Variants in ZNF37A observed in about 807,000 individuals in gnomAD.
The protein encoded by ZNF37A is zinc finger protein 37a (KOX 21).
Under a neutral mutation model 12.3 loss-of-function variants are expected in ZNF37A, and 10 were observed. The observed-to-expected ratio is 0.82, with a 90% CI of 0.50 to 1.38. The LOEUF (loss-of-function observed/expected upper bound fraction) is 1.38, where lower values mean the gene tolerates loss of function less well. Ranked by LOEUF, ZNF37A falls within the 40% of genes most tolerant of loss-of-function variation. ZNF37A has a pLI of 0.00. For synonymous variants in ZNF37A, 207 were observed against 223.0 expected (o/e 0.93, Z 0.64); for missense variants, 580 against 651.2 (o/e 0.89, Z 1.19).
chr10:38,119,052 T>A lies in ZNF37A; in HGVS notation c.*215T>A, dbSNP rs945701185. 22 of 1,246,042 alleles carry A rather than the reference T, an allele frequency of 1.8e-5. No homozygotes were observed. The African/African-American group carries it at 3.1e-4, about 18-fold the overall frequency. The allele number at this position is 1,246,042 out of a possible 1,614,324, so 77.2% of individuals were successfully genotyped here. ...AAAACTAAAAGTGGAAAAAACTTATTGGTGAATGAATATAGGAAACATTTT... is the reference window on the plus strand; with the variant it reads ...AAAACTAAAAGTGGAAAAAACTTATAGGTGAATGAATATAGGAAACATTTT... On this transcript the variant is annotated 3_prime_UTR_variant, in exon 8 of 8. Coordinates refer to ENST00000685332, the MANE Select transcript of ZNF37A (RefSeq NM_001324250.3).
intron 5 of ZNF37A, among the ~76,000 whole-genome samples, chr10:38,105,598 A>G (rs558037772): frequency 1.1e-4 from 17 of 152,336 alleles, no homozygotes; most frequent in African/African-American, 3.6e-4. Context: ...ATTAAATTAT[A>G]AGGACACTTA....
chr10:38,127,927 G>A (rs143254673), downstream of ZNF37A, among the ~76,000 whole-genome samples: 1,070 of 152,256 alleles, frequency 7.0e-3, 1 homozygote, highest in Admixed American at 0.011. Context: ...GACAATTTAC[G>A]CTGATTTTAA....
downstream of ZNF37A, among the ~76,000 whole-genome samples, chr10:38,128,208 A>C (rs2069956361): frequency 6.6e-6 from 1 of 152,206 alleles, no homozygotes; most frequent in South Asian, 2.1e-4. Context: ...ACTGAGCAAT[A>C]AAAGTCTAGG....
rs1380895191 is a variant in ZNF37A, at chr10:38,123,810, A to C, written c.*4973A>C. The C allele has an allele frequency of 6.6e-6, 1 of 152,226 alleles. No individual in the cohort carries two copies. The highest frequency in any genetic ancestry group is 1.5e-5 in the Non-Finnish European group (1 of 68,038). 9.4% of individuals were successfully genotyped at this position (152,226 alleles called of 1,614,324 possible). A position where few individuals can be genotyped will look rare whatever the true frequency, so the allele number is the denominator to read the frequency against. On this transcript the variant is annotated 3_prime_UTR_variant, in exon 8 of 8. Transcript: ENST00000685332. ...AAGATATCATCTCACCCCAGTTAAA[A>C]TGTCTTCTCTCCAAAAGACAGATAA...
At chr10:38,112,773 T>G (rs555929157) in intron 5 of ZNF37A, among the ~76,000 whole-genome samples, 4,390 of 65,086 alleles carry the variant, frequency 0.067, 800 homozygotes, top group East Asian at 0.1. Context: ...TTCTTTTCTT[T>G]TCTTTTCTTT....
chr10:38,133,967 G>A (rs1015985769), intron 7 of ZNF37A, among the ~76,000 whole-genome samples: 1 of 152,128 alleles, frequency 6.6e-6, no homozygotes, highest in African/African-American at 2.4e-5. Context: ...CGTATTTCTT[G>A]GAGGCTTTGT....
At chr10:38,112,738 T>TCTTGGTCTTGGTCTTGG in intron 5 of ZNF37A, among the ~76,000 whole-genome samples, 8 of 58,890 alleles carry the variant, frequency 1.4e-4, no homozygotes, top group East Asian at 5.4e-4. Context: ...CCATTTTCTT[T>TCTTGGTCTTGGTCTTGG]TCTTTTCTTT....
intron 2 of ZNF37A, 73 bp downstream of exon 2, chr10:38,095,297 C>T: frequency 6.6e-6 from 1 of 152,456 alleles, no homozygotes; most frequent in Non-Finnish European, 1.5e-5. Context: ...TGGGCTGACA[C>T]CTCACTAGAG....
intron 7 of ZNF37A, chr10:38,146,659 T>C: frequency 5.0e-6 from 2 of 396,714 alleles, no homozygotes; most frequent in Non-Finnish European, 8.9e-6. Flanking sequence ...TGAAACCAAA[T>C]GTGGCAAGAA....
At chr10:38,102,025 C>T (rs561312591) in intron 5 of ZNF37A, among the ~76,000 whole-genome samples, 226 of 151,642 alleles carry the variant, frequency 1.5e-3, no homozygotes, top group Non-Finnish European at 3.0e-3. Flanking sequence ...TTAGTAGAGA[C>T]GGGGTTTCAC....
At chr10:38,106,272 A>G (rs1030379870) in intron 5 of ZNF37A, among the ~76,000 whole-genome samples, 10 of 152,218 alleles carry the variant, frequency 6.6e-5, no homozygotes, top group African/African-American at 2.4e-4. Flanking sequence ...TAGAAGGAAA[A>G]CTAACAAAGA....
At chr10:38,099,576 C>T (rs1371795093) in intron 5 of ZNF37A, among the ~76,000 whole-genome samples, 4 of 152,138 alleles carry the variant, frequency 2.6e-5, no homozygotes, top group African/African-American at 7.2e-5. Flanking sequence ...TTACTGTGAA[C>T]GTGGGTGTAC....
chr10:38,119,237 G>A lies in ZNF37A; in HGVS notation c.*400G>A, dbSNP rs1475413497. 52 of 1,042,258 alleles carry A rather than the reference G, an allele frequency of 5.0e-5. No individual in the cohort carries two copies. Among genetic ancestry groups the A allele is most frequent in the Non-Finnish European group, 6.0e-5 (51 of 853,902 alleles). The allele number at this position is 1,042,258 out of a possible 1,614,324, so 64.6% of individuals were successfully genotyped here. On this transcript the variant is annotated 3_prime_UTR_variant, in exon 8 of 8. Transcript: ENST00000685332. ...GAGAAACCTTTTGGGTGTAATGAAT[G>A]TGGGAAAACCTTTCATCAGAAGTCA...
In ZNF37A at chr10:38,115,226, C is replaced by A; in HGVS notation, c.174C>A (p.Leu58=). 6.2e-7 allele frequency: 1 copy of A among 1,613,672 alleles called. No homozygotes were observed. Among genetic ancestry groups the A allele is most frequent in the Non-Finnish European group, 8.5e-7 (1 of 1,179,940 alleles). Residue 58 remains leucine, a synonymous_variant, in exon 7 of 8, where the codon CTC becomes CTA. Transcript: ENST00000685332. ...GCATTCCTAAACCAGAAGTGATTCTCAAGTTGGAGAAAGGCGAGGAGCCAT... is the reference window on the plus strand; with the variant it reads ...GCATTCCTAAACCAGAAGTGATTCTAAAGTTGGAGAAAGGCGAGGAGCCAT... ...GYCIPKPEVI[L]KLEKGEEPWI...
intron 5 of ZNF37A, among the ~76,000 whole-genome samples, chr10:38,109,624 G>A (rs965889281): frequency 6.6e-6 from 1 of 152,178 alleles, no homozygotes; most frequent in Non-Finnish European, 1.5e-5. Context: ...TCCTAAAGCT[G>A]ATAAGCAACT....
At chr10:38,098,908 G>A (rs1443412399) in intron 5 of ZNF37A, among the ~76,000 whole-genome samples, 1 of 133,678 alleles carries the variant, frequency 7.5e-6, no homozygotes, top group Non-Finnish European at 1.7e-5. Flanking sequence ...TTTGAGTGTT[G>A]ATCTTGTATC....
chr10:38,106,378 G>A (rs1270573973), intron 5 of ZNF37A, among the ~76,000 whole-genome samples: 4 of 152,122 alleles, frequency 2.6e-5, no homozygotes, highest in Admixed American at 2.6e-4. Flanking sequence ...ATAAATCCAC[G>A]AAGATGGGGA....
rs1488148399 is a variant in ZNF37A at position 38,094,912 on chromosome 10, G to T, written c.-491-19G>T. 2.0e-5 allele frequency: 3 copies of T among 152,310 alleles called. No homozygotes were observed. Among genetic ancestry groups the T allele is most frequent in the African/African-American group, 7.2e-5 (3 of 41,482 alleles). The allele number at this position is 152,310 out of a possible 1,614,324, so 9.4% of individuals were successfully genotyped here. On this transcript the variant is annotated intron_variant, in intron 1 of 7. Coordinates refer to ENST00000685332, the MANE Select transcript of ZNF37A (RefSeq NM_001324250.3). Reference sequence around the variant, plus strand: ...CCCAGCCTCTGGCCAGCGTCACTCGGCTTGCTGTGTCCTCGCAGGTCGCAG... The same window carrying T: ...CCCAGCCTCTGGCCAGCGTCACTCGTCTTGCTGTGTCCTCGCAGGTCGCAG...
At chr10:38,103,394 T>A (rs901205168) in intron 5 of ZNF37A, among the ~76,000 whole-genome samples, 2 of 152,190 alleles carry the variant, frequency 1.3e-5, no homozygotes, top group Admixed American at 1.3e-4. Flanking sequence ...TTTTTATAAT[T>A]TTCTACTCTA....
Sources: allele counts gnomAD v4.1 joint callset (sites outside exome capture counted in the v4.1 genomes callset), GRCh38; gene constraint gnomAD v4.1.1; transcripts MANE v1.5; gene names NCBI Gene and HGNC (gene_info 2026-07-23, HGNC 2026-07-21).